Variants in CTNNA3 observed in about 807,000 individuals in gnomAD.
CTNNA3 encodes the protein catenin alpha 3, also known as catenin alpha-3.
CTNNA3 carries 76 observed loss-of-function variants against 95.7 expected under a neutral mutation model. The ratio of observed to expected loss-of-function variants is 0.79; its 90% CI spans 0.66 to 0.96. The LOEUF (loss-of-function observed/expected upper bound fraction) is 0.96, where lower values mean the gene tolerates loss of function less well. Among genes scored for constraint, CTNNA3 ranks in the 40% least tolerant of loss-of-function variants. The probability of loss-of-function intolerance (pLI) is 0.00; values close to 1 mark genes in which losing one functional copy is unlikely to be tolerated. For missense variants in CTNNA3, 1,191 were observed against 1,089.8 expected, an observed-to-expected ratio of 1.09 and a Z score of -1.31; for synonymous variants, 431 against 374.4, an observed-to-expected ratio of 1.15 and a Z score of -1.74.
intron 7 of CTNNA3, among the ~76,000 whole-genome samples, chr10:67,003,159 T>G (rs1925614): frequency 4.6e-5 from 7 of 151,938 alleles, no homozygotes; most frequent in Admixed American, 6.6e-5. Flanking sequence ...ACTTCATTCC[T>G]TACCAGGATG....
At chr10:67,356,911 T>C (rs779723606) in intron 5 of CTNNA3, among the ~76,000 whole-genome samples, 3 of 152,132 alleles carry the variant, frequency 2.0e-5, no homozygotes, top group Non-Finnish European at 4.4e-5. Context: ...CCATCCTTAC[T>C]GGTTTCACTT....
chr10:66,291,393 G>A (rs1344506029), intron 12 of CTNNA3, among the ~76,000 whole-genome samples: 1 of 152,124 alleles, frequency 6.6e-6, no homozygotes, highest in Non-Finnish European at 1.5e-5. Context: ...TGCTGCAGAA[G>A]AATCTAAATT....
At chr10:66,359,078 A>G (rs1467081003) in intron 12 of CTNNA3, among the ~76,000 whole-genome samples, 1 of 152,216 alleles carries the variant, frequency 6.6e-6, no homozygotes, top group Non-Finnish European at 1.5e-5. Context: ...CACAGCAAGT[A>G]AATATCAAAT....
chr10:67,204,247 C>T (rs912368659), intron 6 of CTNNA3, among the ~76,000 whole-genome samples: 3 of 152,094 alleles, frequency 2.0e-5, no homozygotes, highest in African/African-American at 7.2e-5. Context: ...GGAGGAGGGG[C>T]TTGGCGGGAG....
chr10:66,848,406 G>T (rs1172571104), intron 7 of CTNNA3, among the ~76,000 whole-genome samples: 2 of 152,104 alleles, frequency 1.3e-5, no homozygotes, highest in East Asian at 1.9e-4. Flanking sequence ...CCTCCCACTT[G>T]TCTGACAGTG....
chr10:67,137,509 T>C (rs1860355621), intron 7 of CTNNA3, among the ~76,000 whole-genome samples: 1 of 152,114 alleles, frequency 6.6e-6, no homozygotes, highest in African/African-American at 2.4e-5. Flanking sequence ...TGAGAAATTC[T>C]GCTCCTATAT....
At chr10:66,661,414 A>T (rs931488353) in intron 9 of CTNNA3, among the ~76,000 whole-genome samples, 2 of 152,122 alleles carry the variant, frequency 1.3e-5, no homozygotes, top group Non-Finnish European at 2.9e-5. Context: ...CCTATGATTC[A>T]AATCCCTCCC....
chr10:67,043,933 A>G (rs1179884214), intron 7 of CTNNA3, among the ~76,000 whole-genome samples: 1 of 151,264 alleles, frequency 6.6e-6, no homozygotes, highest in Non-Finnish European at 1.5e-5. Flanking sequence ...CTTTAAAAAA[A>G]CTTTCAAAAA....
intron 2 of CTNNA3, among the ~76,000 whole-genome samples, chr10:67,613,382 A>T (rs1271440387): frequency 6.6e-6 from 1 of 152,194 alleles, no homozygotes; most frequent in East Asian, 1.9e-4. Context: ...TGAAAAAAAA[A>T]AAAGAATAAA....
chr10:65,994,993 AT>A (rs1366878370), intron 15 of CTNNA3, among the ~76,000 whole-genome samples: 1 of 151,842 alleles, frequency 6.6e-6, no homozygotes, highest in Non-Finnish European at 1.5e-5. Context: ...TAGTTCCAGA[AT>A]TTTTGTTTCT....
chr10:67,388,018 G>A (rs1844268015), intron 5 of CTNNA3, among the ~76,000 whole-genome samples: 1 of 151,890 alleles, frequency 6.6e-6, no homozygotes, highest in Admixed American at 6.6e-5. Flanking sequence ...CTCCTCCAAA[G>A]GAACACAGTT....
At chr10:66,834,990 T>A (rs965753643) in intron 7 of CTNNA3, among the ~76,000 whole-genome samples, 3 of 152,180 alleles carry the variant, frequency 2.0e-5, no homozygotes, top group African/African-American at 4.8e-5. Context: ...AAGGTATGAA[T>A]CATAAGGCCA....
At chr10:67,486,576 T>C (rs1347760375) in intron 5 of CTNNA3, among the ~76,000 whole-genome samples, 1 of 152,120 alleles carries the variant, frequency 6.6e-6, no homozygotes, top group African/African-American at 2.4e-5. Context: ...AGTTTTCTCA[T>C]TCATAGAATG....
intron 5 of CTNNA3, among the ~76,000 whole-genome samples, chr10:67,308,931 G>A (rs1840669767): frequency 6.6e-6 from 1 of 152,002 alleles, no homozygotes; most frequent in African/African-American, 2.4e-5. Flanking sequence ...TTCTCAAAAA[G>A]TTTACTTCTA....
chr10:67,046,654 T>C (rs913431538), intron 7 of CTNNA3, among the ~76,000 whole-genome samples: 4 of 152,212 alleles, frequency 2.6e-5, no homozygotes, highest in African/African-American at 4.8e-5. Flanking sequence ...CAGAAAAGAT[T>C]GGAAGCATGG....
intron 16 of CTNNA3, among the ~76,000 whole-genome samples, 164 bp downstream of exon 16, chr10:65,988,528 T>C (rs888869233): frequency 1.3e-5 from 2 of 152,302 alleles, no homozygotes; most frequent in African/African-American, 4.8e-5. Flanking sequence ...AGCTTCCTTA[T>C]AATCGTCCAT....
intron 5 of CTNNA3, among the ~76,000 whole-genome samples, chr10:67,505,376 T>C (rs1198041932): frequency 6.6e-6 from 1 of 152,188 alleles, no homozygotes; most frequent in Non-Finnish European, 1.5e-5. Flanking sequence ...ATTTTAAAAA[T>C]GCAAATTTAA....
chr10:66,213,880 A>G (rs2088339744), intron 13 of CTNNA3, among the ~76,000 whole-genome samples: 1 of 152,170 alleles, frequency 6.6e-6, no homozygotes, highest in African/African-American at 2.4e-5. Flanking sequence ...TAGAAGGAAA[A>G]TGTTTCCTCC....
At chr10:67,140,412 GAAGCATTCGATTTATATT>G (rs1424691083) in intron 7 of CTNNA3, among the ~76,000 whole-genome samples, 1 of 152,050 alleles carries the variant, frequency 6.6e-6, no homozygotes, top group Non-Finnish European at 1.5e-5. Flanking sequence ...TAACACAGAA[GAAGCATTCGATTTATATT>G]AATAATTACA....
Sources: allele counts gnomAD v4.1 joint callset (sites outside exome capture counted in the v4.1 genomes callset), GRCh38; gene constraint gnomAD v4.1.1; transcripts MANE v1.5; gene names NCBI Gene and HGNC (gene_info 2026-07-23, HGNC 2026-07-21).